The following RYR1 variants were observed in gnomAD, a reference collection of about 807,000 sequenced individuals.
The protein encoded by RYR1 is central core disease of muscle.
A neutral mutation model predicts 583.5 loss-of-function variants in RYR1; 342 were observed. That is an observed-to-expected ratio of 0.59 (90% CI 0.54 to 0.64). The LOEUF (loss-of-function observed/expected upper bound fraction) is 0.64. Ranked by LOEUF, RYR1 falls within the 30% of genes least tolerant of loss-of-function variation. The pLI is 0.00. For missense variants in RYR1, 6,032 were observed against 6,917.2 expected, an observed-to-expected ratio of 0.87 and a Z score of 4.54; for synonymous variants, 2,791 against 2,822.5, an observed-to-expected ratio of 0.99 and a Z score of 0.35.
In RYR1 at chr19:38,572,124, G is replaced by A. The variant is rs1277330815; in HGVS notation, c.13852G>A (p.Glu4618Lys). Residue 4618 changes from glutamate to lysine, a missense_variant, in exon 95 of 106, where the codon GAG becomes AAG. This residue lies in a region of RYR1 where 188 missense variants were observed against 215.6 expected (regional missense o/e 0.87). Coordinates refer to ENST00000359596, the MANE Select transcript of RYR1 (RefSeq NM_000540.3). The stretch of plus-strand genomic sequence containing the variant: ...CTCTGGCTGGGGCTTGGGGGCCGGA[G>A]AGGAGGCAGAGGGCGATGAGGATGA... ...GSSGWGLGAG[E>K]EAEGDEDENM... The A allele has an allele frequency of 7.4e-6, 12 of 1,613,664 alleles. No homozygotes were observed. Among genetic ancestry groups the A allele is most frequent in the South Asian group, 1.1e-5 (1 of 91,050 alleles).
At position 38,570,647 on chromosome 19, in the gene RYR1, C is replaced by T; in HGVS notation, c.13700C>T (p.Ala4567Val). The T allele has an allele frequency of 6.2e-7, 1 of 1,614,066 alleles. No homozygotes were observed. ...SRNFYTLRFL[A>V]LFLAFAINFI... is the part of the protein sequence containing the mutation. ...AACTTTTACACCCTGCGGTTCCTTG[C>T]CCTCTTCTTGGCATTTGCCATCAAC... Residue 4567 changes from alanine to valine, a missense_variant, in exon 94 of 106, where the codon GCC (alanine) becomes GTC (valine). Physicochemically the swap from Ala to Val is moderately conservative, Grantham distance 64 (BLOSUM62 0). Around this residue, in one of 11 missense-constraint regions of RYR1, gnomAD observed 35 missense variants for 66.0 expected, o/e 0.53. Coordinates refer to ENST00000359596, the MANE Select transcript of RYR1 (RefSeq NM_000540.3).
chr19:38,561,056 AAGAG>A lies in RYR1; in HGVS notation c.12283-51_12283-48del, dbSNP rs200718174. 8.9e-3 allele frequency: 12,538 copies of A among 1,402,722 alleles called. 18 individuals are homozygous for A. The highest frequency in any genetic ancestry group is 0.01 in the Non-Finnish European group (10,478 of 1,021,154). The allele number at this position is 1,402,722 out of a possible 1,614,324, so 86.9% of individuals were successfully genotyped here. On this transcript the variant is annotated intron_variant, in intron 89 of 105. Transcript: ENST00000359596. This position sits in a 1 kb window ranked among gnomAD's most constrained non-coding sequence, Gnocchi z 4.8. The stretch of plus-strand genomic sequence containing the variant: ...ACCTTGTCTTAAAAAAAAAAAAAAA[AAGAG>A]AGAGAATTGAGGCTCTCCAGGTCAC...
chr19:38,578,118 A>G (rs1369831382), intron 98 of RYR1, 26 bp from the exon 99 acceptor site: 1 of 1,612,500 alleles, frequency 6.2e-7, no homozygotes, highest in Non-Finnish European at 8.5e-7. Context: ...ACACTCAAGC[A>G]TCTCTCCCCA....
intron 38 of RYR1, among the ~76,000 whole-genome samples, chr19:38,493,827 C>T (rs893875426): frequency 3.2e-4 from 48 of 152,152 alleles, no homozygotes; most frequent in African/African-American, 1.1e-3. Context: ...GCCAAATCCA[C>T]AGTATTTTTA....
In RYR1 at chr19:38,463,865, G is replaced by A. The variant is rs1447604189; in HGVS notation, c.2786+15G>A. The A allele has an allele frequency of 3.7e-6, 6 of 1,606,766 alleles. No individual in the cohort carries two copies. In the East Asian group the frequency reaches 1.1e-4, roughly 30 times the overall value. ...GAGACGCTCAAGTGAGGGCCCAGGG[G>A]AGCCGGGGGTTGGGGCTGGCTGCTG... On this transcript the variant is annotated intron_variant, in intron 22 of 105. Transcript: ENST00000359596.
chr19:38,489,838 C>T (rs1969473164), intron 35 of RYR1, among the ~76,000 whole-genome samples: 1 of 152,156 alleles, frequency 6.6e-6, no homozygotes, highest in Non-Finnish European at 1.5e-5. Flanking sequence ...CCATGTTGGC[C>T]AGGCTGGTCT....
chr19:38,475,310 A>G lies in RYR1; in HGVS notation c.4161-8A>G, dbSNP rs749480693. On this transcript the variant is annotated splice_polypyrimidine_tract_variant and splice_region_variant and intron_variant, in intron 28 of 105. Coordinates refer to ENST00000359596, the MANE Select transcript of RYR1 (RefSeq NM_000540.3). Reference sequence around the variant, plus strand: ...TGGCTCTCATGGCGCCTCTCCTCCCACTACCAGCTTCTTATTCAAGGCCAA... The same window carrying G: ...TGGCTCTCATGGCGCCTCTCCTCCCGCTACCAGCTTCTTATTCAAGGCCAA... The G allele has an allele frequency of 5.1e-6, 8 of 1,572,018 alleles. No individual in the cohort carries two copies. Among genetic ancestry groups the G allele is most frequent in the Middle Eastern group, 1.8e-4 (1 of 5,702 alleles).
At chr19:38,585,847 T>G in intron 102 of RYR1, 91 bp from the exon 103 acceptor site, 1 of 1,465,356 alleles carries the variant, frequency 6.8e-7, no homozygotes, top group South Asian at 1.1e-5. Context: ...AAATGGGGGA[T>G]GGAGGGCAAG....
rs1156324962 is a variant in RYR1 at position 38,505,050 on chromosome 19, A to T, written c.8279A>T (p.Glu2760Val). 2 of 1,613,972 alleles carry T rather than the reference A, an allele frequency of 1.2e-6. No individual in the cohort carries two copies. Among genetic ancestry groups the T allele is most frequent in the South Asian group, 2.2e-5 (2 of 91,076 alleles). The stretch of plus-strand genomic sequence containing the variant: ...GACTCCTTCATTAACAAGTTTGCGG[A>T]GTACACACACGAGAAGTGGGCCTTC... Reference protein sequence around the residue: ...KLDSFINKFAEYTHEKWAFDK... With the variant: ...KLDSFINKFAVYTHEKWAFDK... Residue 2760 changes from glutamate to valine, a missense_variant, in exon 52 of 106, where the codon GAG becomes GTG. Physicochemically the swap from Glu to Val is moderately radical, Grantham distance 121 (BLOSUM62 -2). Coordinates refer to ENST00000359596, the MANE Select transcript of RYR1 (RefSeq NM_000540.3).
intron 89 of RYR1, 55 bp downstream of exon 89, chr19:38,548,475 G>A: frequency 6.4e-7 from 1 of 1,564,070 alleles, no homozygotes; most frequent in Non-Finnish European, 8.8e-7. Flanking sequence ...CCAAGGGCCA[G>A]CCATACCCTT....
At chr19:38,551,025 CTTTTTTTTTTTTTTTTTTTTTTT>C (rs71165560) in intron 89 of RYR1, among the ~76,000 whole-genome samples, 21 of 41,358 alleles carry the variant, frequency 5.1e-4, no homozygotes, top group Middle Eastern at 0.022. Flanking sequence ...GGATTCACGG[CTTTTTTTTTTTTTTTTTTTTTTT>C]TTTTTTTTTT....
intron 48 of RYR1, 65 bp downstream of exon 48, chr19:38,502,792 C>CAGGGGCAGGGGCAGGGGCAGGGGT: frequency 1.5e-6 from 1 of 678,854 alleles, no homozygotes. Context: ...GGGGCAGGGG[C>CAGGGGCAGGGGCAGGGGCAGGGGT]AGGGGCAGGG....
chr19:38,506,669 C>A, intron 56 of RYR1, 123 bp downstream of exon 56: 1 of 1,479,584 alleles, frequency 6.8e-7, no homozygotes, highest in Non-Finnish European at 9.3e-7. Context: ...ACAGCGTTTA[C>A]CACCATGGGG....
At chr19:38,515,482 C>T (rs1051085455) in intron 64 of RYR1, among the ~76,000 whole-genome samples, 2 of 152,182 alleles carry the variant, frequency 1.3e-5, no homozygotes, top group Non-Finnish European at 2.9e-5. Flanking sequence ...GCTGTTTCCA[C>T]CAGCTCTGAA....
intron 81 of RYR1, chr19:38,535,750 C>A: frequency 3.3e-6 from 2 of 606,386 alleles, no homozygotes; most frequent in South Asian, 2.0e-5. Context: ...TTTTTCCTAC[C>A]CTCTGCAGCT....
intron 11 of RYR1, among the ~76,000 whole-genome samples, chr19:38,451,053 C>T (rs1967050124): frequency 6.6e-6 from 1 of 152,218 alleles, no homozygotes; most frequent in African/African-American, 2.4e-5. Context: ...TCAGTGTTGG[C>T]TCAGAAGGAC....
At chr19:38,555,222 G>C (rs1972828712) in intron 89 of RYR1, among the ~76,000 whole-genome samples, 1 of 152,100 alleles carries the variant, frequency 6.6e-6, no homozygotes, top group African/African-American at 2.4e-5. Flanking sequence ...AGGTCCAAGA[G>C]AGTGGACTGT....
intron 89 of RYR1, among the ~76,000 whole-genome samples, chr19:38,551,442 A>C (rs1292707917): frequency 1.3e-5 from 2 of 151,938 alleles, no homozygotes; most frequent in African/African-American, 4.8e-5. Flanking sequence ...AGGTAAGCTC[A>C]GGGTTCCCTG....
At chr19:38,516,502 C>T (rs765088718) in intron 65 of RYR1, among the ~76,000 whole-genome samples, 10 of 152,106 alleles carry the variant, frequency 6.6e-5, no homozygotes, top group African/African-American at 2.2e-4. Flanking sequence ...CAGTGGGTCA[C>T]GCCTGTAATC....
Sources: allele counts gnomAD v4.1 joint callset (sites outside exome capture counted in the v4.1 genomes callset), GRCh38; gene constraint gnomAD v4.1.1; regional missense constraint gnomAD v4.1.1; non-coding constraint Gnocchi (gnomAD v3.1); transcripts MANE v1.5; gene names NCBI Gene and HGNC (gene_info 2026-07-23, HGNC 2026-07-21).